The following XKR9 variants were observed in gnomAD, a reference collection of about 807,000 sequenced individuals.
The protein encoded by XKR9 is XK-related protein 9.
In XKR9, 32 loss-of-function variants were observed where a neutral mutation model predicts 32.0. That is an observed-to-expected ratio of 1.00 (90% confidence interval 0.76 to 1.34). The LOEUF is 1.34. XKR9 is among the 40% of genes most tolerant of loss of function. XKR9 has a pLI of 0.00. For missense variants in XKR9, 546 were observed against 429.7 expected (o/e 1.27, Z -2.39); for synonymous variants, 168 against 143.4 (o/e 1.17, Z -1.22).
chr8:71,042,682 G>A, the XKR9 span, among the ~76,000 whole-genome samples: 1 of 152,058 alleles, frequency 6.6e-6, no homozygotes, highest in East Asian at 1.9e-4. Flanking sequence ...CATTTAAAAT[G>A]TTTAGGATGT....
the XKR9 span, among the ~76,000 whole-genome samples, chr8:70,933,273 T>G: frequency 6.6e-6 from 1 of 152,092 alleles, no homozygotes; most frequent in Admixed American, 6.6e-5. Flanking sequence ...TCTTTAAGAA[T>G]CATCTTTCTT....
At chr8:70,790,549 C>T (rs1048292398), downstream of XKR9, among the ~76,000 whole-genome samples, 3 of 152,020 alleles carry the variant, frequency 2.0e-5, no homozygotes, top group Admixed American at 6.6e-5. Flanking sequence ...GTCTTTTCAT[C>T]TTCCTTTGCA....
At chr8:70,755,086 A>C (rs980482427) in intron 2 of XKR9, among the ~76,000 whole-genome samples, 63 of 152,354 alleles carry the variant, frequency 4.1e-4, no homozygotes, top group African/African-American at 1.2e-3. Context: ...AACCCCATCA[A>C]AAAGTGGCAA....
the XKR9 span, among the ~76,000 whole-genome samples, chr8:71,003,251 T>C: frequency 6.6e-6 from 1 of 152,190 alleles, no homozygotes; most frequent in African/African-American, 2.4e-5. Flanking sequence ...TCCTGTAACA[T>C]ATAAATGTCT....
the XKR9 span, among the ~76,000 whole-genome samples, chr8:70,906,630 C>T: frequency 1.3e-5 from 2 of 152,132 alleles, no homozygotes; most frequent in African/African-American, 2.4e-5. Context: ...CACTTATCTA[C>T]ATAAATTATG....
chr8:70,739,148 G>A (rs984367731), downstream of XKR9, among the ~76,000 whole-genome samples: 1 of 151,984 alleles, frequency 6.6e-6, no homozygotes, highest in Admixed American at 6.6e-5. Flanking sequence ...GAATCTGGGT[G>A]CTCCTGTATT....
the XKR9 span, among the ~76,000 whole-genome samples, chr8:71,033,154 C>T: frequency 6.6e-6 from 1 of 151,856 alleles, no homozygotes; most frequent in Admixed American, 6.6e-5. Context: ...TTCTCAGAAT[C>T]AAAATGACTC....
At chr8:70,995,310 T>C in the XKR9 span, among the ~76,000 whole-genome samples, 1 of 152,184 alleles carries the variant, frequency 6.6e-6, no homozygotes, top group Non-Finnish European at 1.5e-5. Flanking sequence ...TAACTATGAA[T>C]GCAAAAATCC....
intron 2 of XKR9, among the ~76,000 whole-genome samples, chr8:70,778,078 T>C (rs573973915): frequency 6.6e-6 from 1 of 152,366 alleles, no homozygotes; most frequent in African/African-American, 2.4e-5. Flanking sequence ...AAGGTTTTTA[T>C]GGTTTTAGGT....
the XKR9 span, among the ~76,000 whole-genome samples, chr8:71,028,300 A>G: frequency 2.0e-5 from 3 of 152,058 alleles, no homozygotes; most frequent in Admixed American, 6.6e-5. Flanking sequence ...GTTTTTCCCT[A>G]AGTATTTTAT....
intron 3 of XKR9, among the ~76,000 whole-genome samples, chr8:70,691,874 T>C (rs879346271): frequency 3.3e-5 from 5 of 152,208 alleles, no homozygotes; most frequent in Non-Finnish European, 7.3e-5. Context: ...TCTTTTTGCT[T>C]AGGATTGCCT....
chr8:70,983,706 G>A, the XKR9 span, among the ~76,000 whole-genome samples: 8 of 151,924 alleles, frequency 5.3e-5, no homozygotes, highest in Admixed American at 2.0e-4. Flanking sequence ...GCTTGAACCC[G>A]GGAAGTGGAG....
chr8:70,946,992 C>T, the XKR9 span, among the ~76,000 whole-genome samples: 1 of 152,120 alleles, frequency 6.6e-6, no homozygotes, highest in Non-Finnish European at 1.5e-5. Flanking sequence ...TAATTTCTGC[C>T]ACCAGGGGCC....
chr8:70,734,183 G>A lies in XKR9; in HGVS notation c.881G>A (p.Arg294Lys), dbSNP rs367745110. 5.0e-6 allele frequency: 8 copies of A among 1,613,238 alleles called. No homozygotes were observed. The highest frequency in any genetic ancestry group is 2.7e-5 in the African/African-American group (2 of 74,882). The part of the protein sequence containing the change: ...KCPMSCYYIV[R>K]VLGTLGILTV... The stretch of plus-strand genomic sequence containing the variant: ...CCAATGTCTTGTTATTATATTGTTA[G>A]GGTACTGGGCACTTTGGGGATATTG... Residue 294 changes from arginine to lysine, a missense_variant, in exon 5 of 5, where the codon AGG (arginine) becomes AAG (lysine). Transcript: ENST00000408926.
At chr8:70,906,841 A>G in the XKR9 span, among the ~76,000 whole-genome samples, 1 of 152,176 alleles carries the variant, frequency 6.6e-6, no homozygotes, top group Admixed American at 6.5e-5. Context: ...CAAGATAATT[A>G]GATTTATCTG....
chr8:70,687,385 CTCTTTCTCTT>C (rs1397417500), intron 3 of XKR9, among the ~76,000 whole-genome samples: 3 of 112,716 alleles, frequency 2.7e-5, no homozygotes, highest in Non-Finnish European at 5.4e-5. Context: ...CTCTTTCTTT[CTCTTTCTCTT>C]TCTCTCTCTC....
chr8:71,025,065 T>C, the XKR9 span, among the ~76,000 whole-genome samples: 1 of 152,212 alleles, frequency 6.6e-6, no homozygotes, highest in African/African-American at 2.4e-5. Flanking sequence ...CGCTGTGAAG[T>C]AAGCACTTTC....
the XKR9 span, among the ~76,000 whole-genome samples, chr8:70,824,387 G>T: frequency 6.6e-6 from 1 of 151,888 alleles, no homozygotes; most frequent in Non-Finnish European, 1.5e-5. Context: ...TTTTTGTTAG[G>T]TCTGTTCTTT....
chr8:71,020,157 C>T, the XKR9 span, among the ~76,000 whole-genome samples: 1 of 152,058 alleles, frequency 6.6e-6, no homozygotes, highest in Non-Finnish European at 1.5e-5. Context: ...TTCTTAACAC[C>T]CTTTCCCAGT....
Sources: allele counts gnomAD v4.1 joint callset (sites outside exome capture counted in the v4.1 genomes callset), GRCh38; gene constraint gnomAD v4.1.1; transcripts MANE v1.5; gene names NCBI Gene and HGNC (gene_info 2026-07-23, HGNC 2026-07-21).